SND1: variants seen among roughly 807,000 people sequenced by gnomAD.
The protein encoded by SND1 is staphylococcal nuclease and tudor domain containing 1.
In SND1, 38 loss-of-function variants were observed where a neutral mutation model predicts 121.7. The ratio of observed to expected loss-of-function variants is 0.31; its 90% CI spans 0.24 to 0.41. The LOEUF is 0.41. Among genes scored for constraint, SND1 ranks in the 10% least tolerant of loss-of-function variants. The probability of loss-of-function intolerance (pLI) is 1.00; values close to 1 mark genes in which losing one functional copy is unlikely to be tolerated. For missense variants in SND1, 868 were observed against 1,184.6 expected, an observed-to-expected ratio of 0.73 and a Z score of 3.92; for synonymous variants, 401 against 447.4, an observed-to-expected ratio of 0.90 and a Z score of 1.31.
intron 15 of SND1, among the ~76,000 whole-genome samples, chr7:127,944,722 C>T (rs1801288541): frequency 6.6e-6 from 1 of 152,186 alleles, no homozygotes; most frequent in Non-Finnish European, 1.5e-5. Flanking sequence ...GCCCTTTTGC[C>T]TTAATCCACC....
At chr7:127,675,676 C>G (rs2116276069) in intron 1 of SND1, among the ~76,000 whole-genome samples, 1 of 152,196 alleles carries the variant, frequency 6.6e-6, no homozygotes, top group South Asian at 2.1e-4. Flanking sequence ...GAGAAGGTCC[C>G]CTCTATATAG....
At chr7:127,867,434 C>A (rs926634359) in intron 12 of SND1, among the ~76,000 whole-genome samples, 13 of 152,134 alleles carry the variant, frequency 8.5e-5, no homozygotes, top group African/African-American at 3.1e-4. Flanking sequence ...TCTGGGTGAT[C>A]TGATGGTGAT....
At chr7:127,692,264 G>A (rs997445878) in intron 2 of SND1, among the ~76,000 whole-genome samples, 2 of 152,178 alleles carry the variant, frequency 1.3e-5, no homozygotes, top group African/African-American at 4.8e-5. Flanking sequence ...CCTTTCTTGG[G>A]TCTGGAAGTT....
chr7:127,960,799 A>G (rs1396860153), intron 15 of SND1, among the ~76,000 whole-genome samples: 1 of 152,190 alleles, frequency 6.6e-6, no homozygotes, highest in Admixed American at 6.5e-5. Flanking sequence ...TCTTTAAGGG[A>G]TTATATCAGG....
intron 14 of SND1, among the ~76,000 whole-genome samples, chr7:127,911,510 T>G (rs554865145): frequency 6.6e-6 from 1 of 151,980 alleles, no homozygotes; most frequent in South Asian, 2.1e-4. Context: ...ATGGCTGGCC[T>G]CTTTTCTCTC....
chr7:127,797,139 C>T (rs1798043263), intron 10 of SND1, among the ~76,000 whole-genome samples: 1 of 152,084 alleles, frequency 6.6e-6, no homozygotes, highest in Non-Finnish European at 1.5e-5. Flanking sequence ...GTTATCCACC[C>T]ACCTCACCCT....
intron 12 of SND1, among the ~76,000 whole-genome samples, chr7:127,848,314 T>C (rs199829356): frequency 6.6e-6 from 1 of 152,314 alleles, no homozygotes; most frequent in East Asian, 1.9e-4. Flanking sequence ...AGTATGTAAT[T>C]AAAACAACAA....
At position 127,844,706 on chromosome 7, in the gene SND1, T is replaced by C. The variant is rs139099539; in HGVS notation, c.1343+282T>C. Among the ~76,000 whole-genome samples, 87 of 152,336 alleles carry C rather than the reference T, an allele frequency of 5.7e-4. 1 individual carries two copies. Among genetic ancestry groups the C allele is most frequent in the African/African-American group, 1.8e-3 (76 of 41,576 alleles). On this transcript the variant is annotated intron_variant, in intron 12 of 23. Transcript: ENST00000354725. ...CATTACTATTAATAATGCCATTTAT[T>C]GAGTATCAAGCAGGCCCTAGATACT...
chr7:128,002,528 T>C (rs962925817), intron 16 of SND1, among the ~76,000 whole-genome samples: 1 of 152,136 alleles, frequency 6.6e-6, no homozygotes, highest in Admixed American at 6.5e-5. Flanking sequence ...GATAAGGTGA[T>C]CACCAAGGGA....
chr7:127,982,400 C>G (rs1252677860), intron 15 of SND1, among the ~76,000 whole-genome samples: 1 of 152,226 alleles, frequency 6.6e-6, no homozygotes, highest in Admixed American at 6.5e-5. Flanking sequence ...CCAGTTCTGA[C>G]TCCCCTGACT....
rs1013157608 is a variant in SND1, at chr7:127,734,778, G to A, written c.1152+13378G>A. Among the ~76,000 whole-genome samples the A allele has an allele frequency of 3.9e-5, 6 of 152,174 alleles. No individual in the cohort carries two copies. In the South Asian group the frequency reaches 6.2e-4, roughly 16 times the overall value. ...TGAGGCCTTACAGTAGTCTTCTGCC[G>A]AGTTCTTTTCAGGACTCAGCTCTGA... On this transcript the variant is annotated intron_variant, in intron 10 of 23. Transcript: ENST00000354725.
chr7:127,789,056 T>G (rs182541433), intron 10 of SND1, among the ~76,000 whole-genome samples: 80 of 152,370 alleles, frequency 5.3e-4, no homozygotes, highest in Admixed American at 2.1e-3. Flanking sequence ...GGCATGTACA[T>G]TTTAACAAAT....
chr7:127,674,145 C>T (rs1795576845), intron 1 of SND1, among the ~76,000 whole-genome samples: 2 of 151,982 alleles, frequency 1.3e-5, no homozygotes, highest in Non-Finnish European at 2.9e-5. Context: ...TCCCTTCCTG[C>T]CCTCCTCCCT....
chr7:127,772,906 TAAC>T (rs1262960862), intron 10 of SND1, among the ~76,000 whole-genome samples: 3 of 152,242 alleles, frequency 2.0e-5, no homozygotes, highest in East Asian at 3.8e-4. Flanking sequence ...TAATTTCACT[TAAC>T]AAGTATATTT....
At chr7:127,796,169 T>A (rs1798021879) in intron 10 of SND1, among the ~76,000 whole-genome samples, 1 of 152,090 alleles carries the variant, frequency 6.6e-6, no homozygotes, top group Admixed American at 6.6e-5. Flanking sequence ...TCTAGTATAG[T>A]ATAAAATCAT....
chr7:127,759,103 C>T (rs867655369), intron 10 of SND1, among the ~76,000 whole-genome samples: 6 of 61,816 alleles, frequency 9.7e-5, no homozygotes, highest in Non-Finnish European at 1.1e-4. Context: ...GATAGATAGG[C>T]AGGCAGGCAG....
chr7:127,902,022 C>A (rs767452325), intron 13 of SND1, among the ~76,000 whole-genome samples: 1 of 152,088 alleles, frequency 6.6e-6, no homozygotes, highest in Non-Finnish European at 1.5e-5. Flanking sequence ...TCTTTGGTAG[C>A]GTATTTAGTT....
At chr7:127,844,716 G>A (rs1799025754) in intron 12 of SND1, among the ~76,000 whole-genome samples, 1 of 152,184 alleles carries the variant, frequency 6.6e-6, no homozygotes, top group Admixed American at 6.5e-5. Flanking sequence ...TGAGTATCAA[G>A]CAGGCCCTAG....
At chr7:127,789,323 C>T (rs1054533651) in intron 10 of SND1, among the ~76,000 whole-genome samples, 2 of 152,200 alleles carry the variant, frequency 1.3e-5, no homozygotes, top group Admixed American at 6.5e-5. Context: ...TTAAACATAA[C>T]CCTTAGTTAC....
Sources: gnomAD v4.1 joint callset for allele counts (sites outside exome capture counted in the v4.1 genomes callset) on GRCh38, gnomAD v4.1.1 for gene constraint, MANE v1.5 for transcripts, NCBI Gene and HGNC (gene_info 2026-07-23, HGNC 2026-07-21) for gene names.